The following MEGF9 variants were observed in gnomAD, a reference collection of about 807,000 sequenced individuals.
The protein encoded by MEGF9 is multiple epidermal growth factor-like domains protein 9.
In MEGF9, 6 loss-of-function variants were observed where a neutral mutation model predicts 46.8. The ratio of observed to expected loss-of-function variants is 0.13; its 90% CI spans 0.07 to 0.25. The LOEUF (loss-of-function observed/expected upper bound fraction) is 0.25, where lower values mean the gene tolerates loss of function less well. Ranked by LOEUF, MEGF9 falls within the 10% of genes least tolerant of loss-of-function variation. MEGF9 has a pLI of 1.00. For missense variants in MEGF9, 683 were observed against 792.4 expected, an observed-to-expected ratio of 0.86 and a Z score of 1.66; for synonymous variants, 302 against 330.7, an observed-to-expected ratio of 0.91 and a Z score of 0.94.
At chr9:120,679,972 A>T (rs1175550614) in intron 1 of MEGF9, among the ~76,000 whole-genome samples, 1 of 151,244 alleles carries the variant, frequency 6.6e-6, no homozygotes, top group African/African-American at 2.4e-5. Context: ...ACTCTGATGC[A>T]TTCTTCAGCA....
chr9:120,634,444 A>ATTTTTTT (rs1564416834), intron 2 of MEGF9, among the ~76,000 whole-genome samples: 1 of 60,846 alleles, frequency 1.6e-5, no homozygotes, highest in Non-Finnish European at 3.3e-5. Flanking sequence ...TGTGTGGAAT[A>ATTTTTTT]TCTTTTTTTT....
intron 1 of MEGF9, among the ~76,000 whole-genome samples, chr9:120,695,435 C>G (rs1564429892): frequency 1.3e-5 from 2 of 151,622 alleles, no homozygotes; most frequent in Admixed American, 6.6e-5. Context: ...GAAACCCCGT[C>G]TCTACTAAAA....
At chr9:120,654,739 T>C (rs1053129566) in intron 2 of MEGF9, among the ~76,000 whole-genome samples, 3 of 152,200 alleles carry the variant, frequency 2.0e-5, no homozygotes, top group Admixed American at 6.5e-5. Context: ...AGCACTGTTA[T>C]CATGGATGAC....
At chr9:120,707,132 CTT>C (rs1248783328) in intron 1 of MEGF9, among the ~76,000 whole-genome samples, 1 of 152,128 alleles carries the variant, frequency 6.6e-6, no homozygotes, top group Non-Finnish European at 1.5e-5. Flanking sequence ...TAGTAACTAA[CTT>C]AGTAGTTCCT....
chr9:120,685,527 C>G (rs1368669743), intron 1 of MEGF9, among the ~76,000 whole-genome samples: 2 of 152,146 alleles, frequency 1.3e-5, no homozygotes, highest in Non-Finnish European at 2.9e-5. Context: ...TCTATTTCCA[C>G]ACTAGCAGAA....
At chr9:120,684,543 T>C (rs2043812948) in intron 1 of MEGF9, among the ~76,000 whole-genome samples, 1 of 152,242 alleles carries the variant, frequency 6.6e-6, no homozygotes, top group Non-Finnish European at 1.5e-5. Context: ...CACTTCACTA[T>C]TATCAAACAC....
chr9:120,680,283 G>T (rs2043792099), intron 1 of MEGF9, among the ~76,000 whole-genome samples: 3 of 152,164 alleles, frequency 2.0e-5, no homozygotes, highest in Admixed American at 2.0e-4. Context: ...AGTCTCCACA[G>T]TCTGGGCTTG....
At position 120,612,398 on chromosome 9, in the gene MEGF9, A is replaced by G. The variant is rs778722402; in HGVS notation, c.1085T>C (p.Ile362Thr). 4 of 1,609,186 alleles carry G rather than the reference A, an allele frequency of 2.5e-6. No homozygotes were observed. In the South Asian group the frequency reaches 4.4e-5, roughly 18 times the overall value. The change falls in exon 4 of 6, where the codon ATA becomes ACA. Residue 362 changes from isoleucine to threonine, a missense_variant and splice_region_variant. Physicochemically the swap from Ile to Thr is moderately conservative, Grantham distance 89 (BLOSUM62 -1). Around this residue, in one of 2 missense-constraint regions of MEGF9, gnomAD observed 313 missense variants for 421.1 expected, o/e 0.74. Transcript: ENST00000373930. ...SAVTSTGSCS[I>T]KSSELEPECD... Reference sequence around the variant, plus strand: ...GAAAAGTTAGAGAAAGGCCTTACTTATAGAGCAGCTGCCTGTAGATGTCAC... The same window carrying G: ...GAAAAGTTAGAGAAAGGCCTTACTTGTAGAGCAGCTGCCTGTAGATGTCAC...
rs551029987 is a variant in MEGF9 at position 120,604,155 on chromosome 9, A to G, written c.*1035T>C. On this transcript the variant is annotated 3_prime_UTR_variant, in exon 6 of 6. Coordinates refer to ENST00000373930, the MANE Select transcript of MEGF9 (RefSeq NM_001080497.3). ...TACTGACTTCAAAATCTATTGCTTGAATCATAGTAAGTCAAAGAGCATATA... is the reference window on the plus strand; with the variant it reads ...TACTGACTTCAAAATCTATTGCTTGGATCATAGTAAGTCAAAGAGCATATA... 12 of 152,730 alleles carry G rather than the reference A, an allele frequency of 7.9e-5. No homozygotes were observed. The highest frequency in any genetic ancestry group is 2.9e-4 in the African/African-American group (12 of 41,566). The allele number at this position is 152,730 out of a possible 1,614,324, so 9.5% of individuals were successfully genotyped here. A position where few individuals can be genotyped will look rare whatever the true frequency, so the allele number is the denominator to read the frequency against.
At chr9:120,638,948 C>T (rs578244186) in intron 2 of MEGF9, among the ~76,000 whole-genome samples, 21 of 152,314 alleles carry the variant, frequency 1.4e-4, no homozygotes, top group Middle Eastern at 3.4e-3. Flanking sequence ...TCCTGAGTAG[C>T]TTGGGCTTAG....
chr9:120,606,033 G>A lies in MEGF9; in HGVS notation c.1358-392C>T, dbSNP rs373468194. Among the ~76,000 whole-genome samples, 776 of 152,108 alleles carry A rather than the reference G, an allele frequency of 5.1e-3. 8 individuals carry two copies. The highest frequency in any genetic ancestry group is 0.018 in the African/African-American group (736 of 41,474). On this transcript the variant is annotated intron_variant, in intron 5 of 5. Transcript: ENST00000373930. Reference sequence around the variant, plus strand: ...TGAAAATACAAAAAATTAGCTGGGCGTGGTGGCGGGTGCCTGTAATCCCAG... The same window carrying A: ...TGAAAATACAAAAAATTAGCTGGGCATGGTGGCGGGTGCCTGTAATCCCAG...
intron 1 of MEGF9, among the ~76,000 whole-genome samples, chr9:120,659,963 T>C (rs1371176306): frequency 1.3e-5 from 2 of 150,986 alleles, no homozygotes; most frequent in Non-Finnish European, 2.9e-5. Context: ...GATGATTAAC[T>C]TTGGCAACCG....
rs571169094 is a variant in MEGF9, at chr9:120,650,821, T to G, written c.803+8553A>C. ...CAGGAAATTCACTGGAATTTTCATG[T>G]TTTTTTTTTTCTCCTGATAGGTCTT... On this transcript the variant is annotated intron_variant, in intron 2 of 5. Transcript: ENST00000373930. Among the ~76,000 whole-genome samples, 387 of 147,268 alleles carry G rather than the reference T, an allele frequency of 2.6e-3. 2 individuals carry two copies. The highest frequency in any genetic ancestry group is 9.1e-3 in the African/African-American group (370 of 40,488).
Position 120,714,315 on chromosome 9 carries a change from A to G in MEGF9, c.44T>C (p.Leu15Pro). 7.7e-7 allele frequency: 1 copy of G among 1,299,980 alleles called. No individual in the cohort carries two copies. The highest frequency in any genetic ancestry group is 9.8e-7 in the Non-Finnish European group (1 of 1,020,396). 80.5% of individuals were successfully genotyped at this position (1,299,980 alleles called of 1,614,324 possible). A position where few individuals can be genotyped will look rare whatever the true frequency, so the allele number is the denominator to read the frequency against. Residue 15 changes from leucine (L) to proline (P), a missense_variant, in exon 1 of 6, where the codon CTG becomes CCG. Around this residue, in one of 2 missense-constraint regions of MEGF9, gnomAD observed 370 missense variants for 371.3 expected, o/e 1.00. Transcript: ENST00000373930. ...GCAGCACAACAGGGCGAGGCCGCCC[A>G]GGCTCGGCAGGCTCCTCATGGCGCG... ...AERAMRSLPS[L>P]GGLALLCCAA...
chr9:120,622,109 C>T (rs1407919310), intron 3 of MEGF9, among the ~76,000 whole-genome samples: 1 of 152,134 alleles, frequency 6.6e-6, no homozygotes, highest in African/African-American at 2.4e-5. Flanking sequence ...TTTTTTTCTA[C>T]CTTTCTGGCC....
At chr9:120,697,841 G>A (rs901924483) in intron 1 of MEGF9, among the ~76,000 whole-genome samples, 1 of 152,028 alleles carries the variant, frequency 6.6e-6, no homozygotes, top group African/African-American at 2.4e-5. Flanking sequence ...GACAGAAAAT[G>A]TATGAGTTTG....
At chr9:120,655,408 T>C (rs1000692857) in intron 2 of MEGF9, among the ~76,000 whole-genome samples, 1 of 152,204 alleles carries the variant, frequency 6.6e-6, no homozygotes, top group Non-Finnish European at 1.5e-5. Context: ...CTATATAGTC[T>C]AGGTATACAG....
chr9:120,612,985 T>C (rs932618427), intron 3 of MEGF9, among the ~76,000 whole-genome samples: 1 of 149,868 alleles, frequency 6.7e-6, no homozygotes, highest in Non-Finnish European at 1.5e-5. Context: ...TACAGGAGCA[T>C]GCCATTACAC....
intron 2 of MEGF9, among the ~76,000 whole-genome samples, chr9:120,623,555 T>C (rs2043511079): frequency 6.6e-6 from 1 of 152,182 alleles, no homozygotes; most frequent in Non-Finnish European, 1.5e-5. Context: ...ATAGGAGATG[T>C]TTTTAAAAAT....
Sources: gnomAD v4.1 joint callset for allele counts (sites outside exome capture counted in the v4.1 genomes callset) on GRCh38, gnomAD v4.1.1 for gene constraint, gnomAD v4.1.1 regional missense constraint, MANE v1.5 for transcripts, NCBI Gene and HGNC (gene_info 2026-07-23, HGNC 2026-07-21) for gene names.